The following NTNG1 variants were observed in gnomAD, a reference collection of about 807,000 sequenced individuals.
NTNG1 encodes the protein netrin-G1.
NTNG1 carries 16 observed loss-of-function variants against 54.0 expected under a neutral mutation model. That is an observed-to-expected ratio of 0.30 (90% confidence interval 0.20 to 0.45). The LOEUF is 0.45. Among genes scored for constraint, NTNG1 ranks in the 20% least tolerant of loss-of-function variants. The pLI, the probability that NTNG1 is intolerant of heterozygous loss-of-function variation, is 1.00. For missense variants in NTNG1, 530 were observed against 678.7 expected (o/e 0.78, Z 2.43); for synonymous variants, 255 against 263.1 (o/e 0.97, Z 0.30).
chr1:107,408,677 AACT>A (rs1673601091), intron 5 of NTNG1: 1 of 152,042 alleles, frequency 6.6e-6, no homozygotes, highest in Non-Finnish European at 1.5e-5. Flanking sequence ...ATCTTTGAAC[AACT>A]ACTAAGTAAC....
intron 3 of NTNG1, among the ~76,000 whole-genome samples, chr1:107,373,178 G>T (rs751423310): frequency 6.6e-6 from 1 of 151,564 alleles, no homozygotes; most frequent in Admixed American, 6.6e-5. Flanking sequence ...TTCTGCATTT[G>T]TTGGGATTAA....
chr1:107,443,045 C>A (rs902937048), intron 7 of NTNG1, among the ~76,000 whole-genome samples: 2 of 152,116 alleles, frequency 1.3e-5, no homozygotes, highest in Non-Finnish European at 1.5e-5. Context: ...CTATCAGTGA[C>A]GCTTTCTGGA....
chr1:107,201,747 T>G (rs1658773868), intron 2 of NTNG1, among the ~76,000 whole-genome samples: 1 of 151,936 alleles, frequency 6.6e-6, no homozygotes, highest in Non-Finnish European at 1.5e-5. Flanking sequence ...ACATGTAACC[T>G]GTTAAAATGC....
intron 3 of NTNG1, among the ~76,000 whole-genome samples, chr1:107,345,019 A>C (rs1451058685): frequency 2.6e-5 from 4 of 152,186 alleles, no homozygotes; most frequent in Non-Finnish European, 4.4e-5. Flanking sequence ...AAACACTGAT[A>C]TCCCTGGAGT....
intron 4 of NTNG1, among the ~76,000 whole-genome samples, chr1:107,407,216 A>G (rs2101142957): frequency 6.6e-6 from 1 of 152,292 alleles, no homozygotes; most frequent in East Asian, 1.9e-4. Context: ...CAGCTAACAC[A>G]TGCATCTCAT....
intron 3 of NTNG1, among the ~76,000 whole-genome samples, chr1:107,372,487 C>A (rs906110340): frequency 6.6e-6 from 1 of 151,924 alleles, no homozygotes; most frequent in Non-Finnish European, 1.5e-5. Flanking sequence ...AGACATTTTT[C>A]TGTTATGAAT....
intron 2 of NTNG1, among the ~76,000 whole-genome samples, chr1:107,305,759 T>G (rs572823239): frequency 1.3e-4 from 20 of 152,318 alleles, no homozygotes; most frequent in African/African-American, 4.6e-4. Context: ...ATCCCATTTG[T>G]CTATTTTGGC....
At chr1:107,304,717 C>G (rs1666561381) in intron 2 of NTNG1, among the ~76,000 whole-genome samples, 1 of 151,236 alleles carries the variant, frequency 6.6e-6, no homozygotes, top group Non-Finnish European at 1.5e-5. Context: ...AAACACAAGG[C>G]TCAGAATGTT....
At chr1:107,470,756 C>T (rs1476140107) in intron 7 of NTNG1, among the ~76,000 whole-genome samples, 1 of 152,176 alleles carries the variant, frequency 6.6e-6, no homozygotes, top group Non-Finnish European at 1.5e-5. Context: ...CTTCTCAGCA[C>T]CATTTTTATG....
At chr1:107,151,851 C>A (rs1030822952) in intron 2 of NTNG1, among the ~76,000 whole-genome samples, 1 of 152,026 alleles carries the variant, frequency 6.6e-6, no homozygotes, top group Admixed American at 6.6e-5. Context: ...ACCTGGATGG[C>A]ATACTTAATA....
chr1:107,333,011 G>A (rs551673600), intron 3 of NTNG1, among the ~76,000 whole-genome samples: 107 of 152,046 alleles, frequency 7.0e-4, no homozygotes, highest in African/African-American at 2.4e-3. Context: ...AAAATGGATG[G>A]AAAGGCTTTG....
intron 7 of NTNG1, among the ~76,000 whole-genome samples, chr1:107,441,911 T>C (rs1675990969): frequency 1.3e-5 from 2 of 152,168 alleles, no homozygotes; most frequent in East Asian, 3.9e-4. Flanking sequence ...CAGGTATAGA[T>C]GTGCATTGTG....
At chr1:107,188,856 A>C (rs1375599086) in intron 2 of NTNG1, among the ~76,000 whole-genome samples, 1 of 152,120 alleles carries the variant, frequency 6.6e-6, no homozygotes, top group African/African-American at 2.4e-5. Flanking sequence ...AAATGTAGGG[A>C]TCAAGAGTAA....
At chr1:107,365,044 C>A (rs867948900) in intron 3 of NTNG1, among the ~76,000 whole-genome samples, 1 of 152,054 alleles carries the variant, frequency 6.6e-6, no homozygotes, top group South Asian at 2.1e-4. Flanking sequence ...AAATTAAATA[C>A]CTTGTTAAAA....
intron 2 of NTNG1, among the ~76,000 whole-genome samples, chr1:107,240,300 T>C (rs552857879): frequency 4.0e-5 from 6 of 151,650 alleles, no homozygotes; most frequent in Non-Finnish European, 1.5e-5. Context: ...TTTTTACACA[T>C]TACGATATTT....
Position 107,483,480 on chromosome 1 carries a change from T to C in NTNG1, c.*2640T>C, listed in dbSNP as rs181210567. The C allele has an allele frequency of 6.6e-6, 1 of 152,318 alleles. No individual in the cohort carries two copies. Among genetic ancestry groups the C allele is most frequent in the Admixed American group, 6.5e-5 (1 of 15,306 alleles). The allele number at this position is 152,318 out of a possible 1,614,324, so 9.4% of individuals were successfully genotyped here. A position where few individuals can be genotyped will look rare whatever the true frequency, so the allele number is the denominator to read the frequency against. On this transcript the variant is annotated 3_prime_UTR_variant, in exon 8 of 8. Coordinates refer to ENST00000370068, the MANE Select transcript of NTNG1 (RefSeq NM_001113226.3). ...AGGTGTACAACAAATGGAAATGAAA[T>C]GTTCTTTTTAAATCTGGATTCTCAA...
At chr1:107,465,829 GTAA>G (rs1347682381) in intron 7 of NTNG1, among the ~76,000 whole-genome samples, 2 of 152,254 alleles carry the variant, frequency 1.3e-5, no homozygotes, top group South Asian at 2.1e-4. Flanking sequence ...TACAATTGAA[GTAA>G]TAATAATAAC....
intron 2 of NTNG1, among the ~76,000 whole-genome samples, chr1:107,231,479 A>T (rs1160754076): frequency 6.6e-6 from 1 of 152,334 alleles, no homozygotes; most frequent in South Asian, 2.1e-4. Flanking sequence ...AACAGATTGT[A>T]TACTTTTTCT....
At chr1:107,210,010 G>C (rs1029347376) in intron 2 of NTNG1, among the ~76,000 whole-genome samples, 1 of 152,120 alleles carries the variant, frequency 6.6e-6, no homozygotes. Context: ...TAAAGGAGGT[G>C]ATGCCAGAGT....
Sources: gnomAD v4.1 joint callset for allele counts (sites outside exome capture counted in the v4.1 genomes callset) on GRCh38, gnomAD v4.1.1 for gene constraint, MANE v1.5 for transcripts, NCBI Gene and HGNC (gene_info 2026-07-23, HGNC 2026-07-21) for gene names.